The following STXBP4 variants were observed in gnomAD, a reference collection of about 807,000 sequenced individuals.
The protein encoded by STXBP4 is syntaxin binding protein 4, also known as syntaxin-binding protein 4.
A neutral mutation model predicts 76.1 loss-of-function variants in STXBP4; 55 were observed. That is an observed-to-expected ratio of 0.72 (90% CI 0.58 to 0.91). STXBP4 has a LOEUF of 0.91. Among genes scored for constraint, STXBP4 ranks in the 40% least tolerant of loss-of-function variants. The pLI, the probability that STXBP4 is intolerant of heterozygous loss-of-function variation, is 0.00. For synonymous variants in STXBP4, 201 were observed against 220.2 expected (o/e 0.91, Z 0.77); for missense variants, 618 against 636.9 (o/e 0.97, Z 0.32).
At chr17:54,982,327 G>A (rs374411325) in intron 1 of STXBP4, among the ~76,000 whole-genome samples, 2 of 152,084 alleles carry the variant, frequency 1.3e-5, no homozygotes, top group South Asian at 2.1e-4. Flanking sequence ...TAATTACATG[G>A]GATGAAGATT....
intron 6 of STXBP4, 82 bp downstream of exon 6, chr17:54,999,924 G>A: frequency 1.1e-6 from 1 of 917,796 alleles, no homozygotes; most frequent in Non-Finnish European, 1.6e-6. Flanking sequence ...TGTACATATA[G>A]AATTATTTCA....
intron 16 of STXBP4, among the ~76,000 whole-genome samples, chr17:55,126,982 C>T (rs1031148549): frequency 6.6e-6 from 1 of 152,106 alleles, no homozygotes; most frequent in Non-Finnish European, 1.5e-5. Context: ...CAGGATATTT[C>T]CCCTGCTTTT....
At chr17:55,008,234 G>A (rs75900163) in intron 8 of STXBP4, among the ~76,000 whole-genome samples, 1 of 151,844 alleles carries the variant, frequency 6.6e-6, no homozygotes, top group Non-Finnish European at 1.5e-5. Context: ...ATGTAAAATG[G>A]ATATACTGCT....
intron 10 of STXBP4, among the ~76,000 whole-genome samples, chr17:55,034,706 A>G (rs2078568458): frequency 6.6e-6 from 1 of 152,046 alleles, no homozygotes; most frequent in Non-Finnish European, 1.5e-5. Context: ...AAATAAATAC[A>G]TTACCAGATG....
intron 8 of STXBP4, among the ~76,000 whole-genome samples, chr17:55,026,629 A>G (rs1323490216): frequency 6.6e-6 from 1 of 152,162 alleles, no homozygotes; most frequent in Non-Finnish European, 1.5e-5. Flanking sequence ...CATTAACCCT[A>G]CCCAGCACTG....
the STXBP4 span, among the ~76,000 whole-genome samples, chr17:55,193,635 C>CA: frequency 6.6e-6 from 1 of 150,916 alleles, no homozygotes; most frequent in Non-Finnish European, 1.5e-5. Flanking sequence ...AGGAAGAGGA[C>CA]AAAAAAAGGA....
chr17:55,035,467 T>C (rs1013884572), intron 10 of STXBP4, among the ~76,000 whole-genome samples: 1 of 151,908 alleles, frequency 6.6e-6, no homozygotes, highest in Non-Finnish European at 1.5e-5. Context: ...AGACCTGGAA[T>C]CTTATCCTGA....
rs772418614 is a variant in STXBP4 at position 55,168,718 on chromosome 17, C to T, written c.*8807C>T. Reference sequence around the variant, plus strand: ...CATCTCTTTTTTGAATCAGAGTTGTCATAAACCACAATTTTTCACGGTAAC... The same window carrying T: ...CATCTCTTTTTTGAATCAGAGTTGTTATAAACCACAATTTTTCACGGTAAC... On this transcript the variant is annotated 3_prime_UTR_variant, in exon 18 of 18. Coordinates refer to ENST00000376352, the MANE Select transcript of STXBP4 (RefSeq NM_178509.6). The T allele has an allele frequency of 1.3e-5, 2 of 152,144 alleles. No homozygotes were observed. The highest frequency in any genetic ancestry group is 2.9e-5 in the Non-Finnish European group (2 of 68,016). 9.4% of individuals were successfully genotyped at this position (152,144 alleles called of 1,614,324 possible).
At chr17:55,055,253 A>T (rs1167659834) in intron 12 of STXBP4, among the ~76,000 whole-genome samples, 1 of 152,192 alleles carries the variant, frequency 6.6e-6, no homozygotes, top group African/African-American at 2.4e-5. Context: ...ACATATAAGC[A>T]GTTGAATACC....
Position 54,999,725 on chromosome 17 carries a change from A to G in STXBP4, c.381A>G (p.Ser127=), listed in dbSNP as rs975099506. 2 of 1,613,726 alleles carry G rather than the reference A, an allele frequency of 1.2e-6. No homozygotes were observed. The highest frequency in any genetic ancestry group is 1.7e-6 in the Non-Finnish European group (2 of 1,179,784). The change falls in exon 6 of 18, where the codon TCA becomes TCG. Residue 127 remains serine (S), a synonymous_variant. Transcript: ENST00000376352. Reference sequence around the variant, plus strand: ...CATGTACATCACTTATAGAAGCTTCAGGAGAATATGGACCTCAAGCCTCAA... The same window carrying G: ...CATGTACATCACTTATAGAAGCTTCGGGAGAATATGGACCTCAAGCCTCAA... ...NLSCTSLIEA[S]GEYGPQASTL...
chr17:55,026,725 A>C (rs1468288490), intron 8 of STXBP4, among the ~76,000 whole-genome samples: 1 of 152,196 alleles, frequency 6.6e-6, no homozygotes, highest in Non-Finnish European at 1.5e-5. Flanking sequence ...TCTATATTAC[A>C]GGGGACTTTG....
chr17:55,094,126 C>T (rs1248793410), intron 16 of STXBP4, among the ~76,000 whole-genome samples: 1 of 141,810 alleles, frequency 7.1e-6, no homozygotes, highest in Non-Finnish European at 1.5e-5. Flanking sequence ...AGTACAAATG[C>T]TGTGAGATAG....
intron 16 of STXBP4, among the ~76,000 whole-genome samples, chr17:55,110,750 A>C (rs1433543580): frequency 6.6e-6 from 1 of 152,256 alleles, no homozygotes; most frequent in Non-Finnish European, 1.5e-5. Flanking sequence ...GATTCTAAGA[A>C]TAGGCGGCAG....
At chr17:54,997,110 T>C (rs2077816326) in intron 4 of STXBP4, among the ~76,000 whole-genome samples, 1 of 152,156 alleles carries the variant, frequency 6.6e-6, no homozygotes, top group Non-Finnish European at 1.5e-5. Context: ...GTTAGTATCT[T>C]CACATATACA....
downstream of STXBP4, among the ~76,000 whole-genome samples, chr17:55,177,134 C>CT (rs1567792368): frequency 6.6e-6 from 1 of 152,184 alleles, no homozygotes; most frequent in East Asian, 1.9e-4. Context: ...CCTCTTATCT[C>CT]TGTACCTATA....
chr17:55,127,037 A>G (rs1016159707), intron 16 of STXBP4, among the ~76,000 whole-genome samples: 9 of 152,270 alleles, frequency 5.9e-5, no homozygotes, highest in South Asian at 4.2e-4. Flanking sequence ...TAAGTGTACA[A>G]TTCACTGAGT....
chr17:55,019,373 AAC>A (rs2078264390), intron 8 of STXBP4, among the ~76,000 whole-genome samples: 2 of 152,194 alleles, frequency 1.3e-5, no homozygotes, highest in East Asian at 1.9e-4. Flanking sequence ...ATGCACATTT[AAC>A]TTAAAAGTCT....
chr17:55,088,575 T>G lies in STXBP4; in HGVS notation c.1489+7392T>G, dbSNP rs372898599. Among the ~76,000 whole-genome samples the G allele has an allele frequency of 1.6e-3, 240 of 152,254 alleles. 7 individuals carry two copies. The South Asian group carries it at 0.045, about 29-fold the overall frequency. On this transcript the variant is annotated intron_variant, in intron 16 of 17. Coordinates refer to ENST00000376352, the MANE Select transcript of STXBP4 (RefSeq NM_178509.6). ...CCACACCTGGCTAATTTTTGTATTT[T>G]TAGTAGAGACAGGTTTTCACCATGT...
At chr17:55,111,318 C>T (rs2079712202) in intron 16 of STXBP4, among the ~76,000 whole-genome samples, 1 of 152,170 alleles carries the variant, frequency 6.6e-6, no homozygotes, top group South Asian at 2.1e-4. Context: ...TTTTCTACCA[C>T]TCTTCCCCTG....
Sources: allele counts gnomAD v4.1 joint callset (sites outside exome capture counted in the v4.1 genomes callset), GRCh38; gene constraint gnomAD v4.1.1; transcripts MANE v1.5; gene names NCBI Gene and HGNC (gene_info 2026-07-23, HGNC 2026-07-21).